The following TRIO variants were observed in gnomAD, a reference collection of about 807,000 sequenced individuals.
TRIO encodes triple functional domain protein.
A neutral mutation model predicts 351.9 loss-of-function variants in TRIO; 58 were observed. The observed-to-expected ratio is 0.16, with a 90% CI of 0.13 to 0.21. The LOEUF (loss-of-function observed/expected upper bound fraction) is 0.21, where lower values mean the gene tolerates loss of function less well. Ranked by LOEUF, TRIO falls within the 10% of genes least tolerant of loss-of-function variation. The pLI is 1.00. For missense variants in TRIO, 3,201 were observed against 4,027.8 expected (o/e 0.79, Z 5.56); for synonymous variants, 1,758 against 1,595.7 (o/e 1.10, Z -2.42).
In TRIO at chr5:14,304,582, C is replaced by G. The variant is rs763790629; in HGVS notation, c.1490C>G (p.Ala497Gly). 2.5e-6 allele frequency: 4 copies of G among 1,612,742 alleles called. No homozygotes were observed. The South Asian group carries it at 3.3e-5, about 13-fold the overall frequency. The change falls in exon 8 of 57, where the codon GCT becomes GGT. Residue 497 changes from alanine to glycine, a missense_variant. Physicochemically the swap from Ala to Gly is moderately conservative, Grantham distance 60. Coordinates refer to ENST00000344204, the MANE Select transcript of TRIO (RefSeq NM_007118.4). Reference sequence around the variant, plus strand: ...GGAATATATGAACATATCACTCTTGCTTATTCTGAGGTAAGTGGCCAGTTT... The same window carrying G: ...GGAATATATGAACATATCACTCTTGGTTATTCTGAGGTAAGTGGCCAGTTT... The part of the protein sequence containing the change: ...HQGIYEHITL[A>G]YSEVSQDGKS...
At chr5:14,209,150 T>TA (rs1295177426) in intron 1 of TRIO, among the ~76,000 whole-genome samples, 1 of 152,238 alleles carries the variant, frequency 6.6e-6, no homozygotes, top group East Asian at 1.9e-4. Flanking sequence ...GCCGATAACT[T>TA]ACAGGTCTCA....
chr5:14,228,391 A>C (rs1793182985), intron 1 of TRIO, among the ~76,000 whole-genome samples: 1 of 152,230 alleles, frequency 6.6e-6, no homozygotes, highest in Admixed American at 6.5e-5. Context: ...TACGTCATGC[A>C]TTTCAGAGTG....
In TRIO at chr5:14,471,307, A is replaced by G; in HGVS notation, c.5764-11A>G. ...GCAGTAAGTGTTGTTGATTATGTCAATTTCTTCCAGGCACTGGAGGATCGC... is the reference window on the plus strand; with the variant it reads ...GCAGTAAGTGTTGTTGATTATGTCAGTTTCTTCCAGGCACTGGAGGATCGC... On this transcript the variant is annotated splice_polypyrimidine_tract_variant and intron_variant, in intron 37 of 56. Coordinates refer to ENST00000344204, the MANE Select transcript of TRIO (RefSeq NM_007118.4). The G allele has an allele frequency of 2.5e-6, 4 of 1,612,956 alleles. No homozygotes were observed. The highest frequency in any genetic ancestry group is 2.2e-5 in the East Asian group (1 of 44,874).
At position 14,280,356 on chromosome 5, in the gene TRIO, G is replaced by C. The variant is rs773679230; in HGVS notation, c.267G>C (p.Thr89=). The C allele has an allele frequency of 5.6e-6, 9 of 1,614,064 alleles. No individual in the cohort carries two copies. The highest frequency in any genetic ancestry group is 7.6e-6 in the Non-Finnish European group (9 of 1,179,982). ...GRDKRGGPIL[T]FPARSNHDRI... ...ATAAACGTGGAGGTCCCATTTTAACGTTTCCGGCCCGCAGCAATCATGACA... is the reference window on the plus strand; with the variant it reads ...ATAAACGTGGAGGTCCCATTTTAACCTTTCCGGCCCGCAGCAATCATGACA... Residue 89 remains threonine (T), a synonymous_variant, in exon 3 of 57, where the codon ACG becomes ACC. Transcript: ENST00000344204.
At chr5:14,288,739 A>G (rs1488209252) in intron 4 of TRIO, among the ~76,000 whole-genome samples, 1 of 151,604 alleles carries the variant, frequency 6.6e-6, no homozygotes. Flanking sequence ...GTGCTGGATC[A>G]GGAGTCATCC....
At chr5:14,316,360 G>A (rs1739379517) in intron 8 of TRIO, among the ~76,000 whole-genome samples, 153 bp from the exon 9 acceptor site, 1 of 152,212 alleles carries the variant, frequency 6.6e-6, no homozygotes, top group Non-Finnish European at 1.5e-5. Flanking sequence ...GTAAAACTGT[G>A]GTGTGTGAAT....
At chr5:14,239,588 TTACA>T (rs1332508640) in intron 1 of TRIO, among the ~76,000 whole-genome samples, 1 of 152,150 alleles carries the variant, frequency 6.6e-6, no homozygotes. Context: ...CTGCCCCACT[TTACA>T]GGTAGGGATT....
At chr5:14,366,746 C>CT in intron 15 of TRIO, 114 bp from the exon 16 acceptor site, 1 of 1,493,510 alleles carries the variant, frequency 6.7e-7, no homozygotes, top group South Asian at 1.4e-5. Context: ...GCATCAGTGC[C>CT]TCGTACCTGC....
rs556048031 is a variant in TRIO, at chr5:14,507,093, A to G, written c.8613-29A>G. ...AGAGGTCTTCAAAGCAAATCGCATC[A>G]TAACAGTCACCCGCTCCTGCCTCTT... is the stretch of plus-strand genomic sequence containing the variant. On this transcript the variant is annotated intron_variant, in intron 55 of 56. Transcript: ENST00000344204. 4.5e-6 allele frequency: 7 copies of G among 1,555,720 alleles called. No individual in the cohort carries two copies. In the East Asian group the frequency reaches 9.2e-5, roughly 21 times the overall value.
At position 14,507,943 on chromosome 5, in the gene TRIO, G is replaced by T; in HGVS notation, c.8815G>T (p.Asp2939Tyr). 6.2e-7 allele frequency: 1 copy of T among 1,614,198 alleles called. No individual in the cohort carries two copies. Among genetic ancestry groups the T allele is most frequent in the Non-Finnish European group, 8.5e-7 (1 of 1,180,042 alleles). The change falls in exon 57 of 57, where the codon GAT (aspartate) becomes TAT (tyrosine). Residue 2939 changes from aspartate to tyrosine, a missense_variant. By Grantham distance (160) the Asp-to-Tyr change is radical (BLOSUM62 -3). This residue lies in a region of TRIO where 233 missense variants were observed against 292.6 expected (regional missense o/e 0.80). Transcript: ENST00000344204. Reference sequence around the variant, plus strand: ...AACCATCAAACTGGCTGACTTTGGAGATGCTGTTCAGCTCAACACGACCTA... The same window carrying T: ...AACCATCAAACTGGCTGACTTTGGATATGCTGTTCAGCTCAACACGACCTA... ...KPTIKLADFGDAVQLNTTYYI... is the reference protein window; with the variant it reads ...KPTIKLADFGYAVQLNTTYYI...
At chr5:14,344,261 T>C (rs187425449) in intron 11 of TRIO, among the ~76,000 whole-genome samples, 4 of 152,334 alleles carry the variant, frequency 2.6e-5, no homozygotes, top group Admixed American at 2.6e-4. Flanking sequence ...CCTGCTGGCG[T>C]AGCATTATGT....
At position 14,482,458 on chromosome 5, in the gene TRIO, C is replaced by A. The variant is rs145023478; in HGVS notation, c.6466-124C>A. ...GTAAAAGAAAAAAAAAATTAAACTC[C>A]ATAAATTAATAAAAGAAAAATACAT... On this transcript the variant is annotated intron_variant, in intron 45 of 56. Coordinates refer to ENST00000344204, the MANE Select transcript of TRIO (RefSeq NM_007118.4). 4.0e-4 allele frequency: 308 copies of A among 767,006 alleles called. 3 individuals carry two copies. In the East Asian group the frequency reaches 9.8e-3, roughly 24 times the overall value. The allele number at this position is 767,006 out of a possible 1,614,324, so 47.5% of individuals were successfully genotyped here.
chr5:14,474,366 C>T (rs752909457), intron 40 of TRIO, among the ~76,000 whole-genome samples: 1 of 152,172 alleles, frequency 6.6e-6, no homozygotes. Flanking sequence ...AGCCAGCTGC[C>T]GGAGCTGCTG....
chr5:14,225,524 G>C (rs989154950), intron 1 of TRIO, among the ~76,000 whole-genome samples: 2 of 152,034 alleles, frequency 1.3e-5, no homozygotes, highest in African/African-American at 2.4e-5. Context: ...GTGGTTGTAG[G>C]ACTGAGGTCC....
intron 47 of TRIO, among the ~76,000 whole-genome samples, chr5:14,486,812 C>T: frequency 6.6e-6 from 1 of 152,114 alleles, no homozygotes; most frequent in South Asian, 2.1e-4. Context: ...TTGTAGACTG[C>T]CTCTGGCTCC....
At chr5:14,308,131 A>T (rs1738536633) in intron 8 of TRIO, among the ~76,000 whole-genome samples, 2 of 152,070 alleles carry the variant, frequency 1.3e-5, no homozygotes, top group Admixed American at 1.3e-4. Context: ...AATTTTAAAG[A>T]CCTGGGTTCT....
Position 14,389,383 on chromosome 5 carries a change from A to G in TRIO, c.4043A>G (p.Tyr1348Cys). 2 of 1,610,434 alleles carry G rather than the reference A, an allele frequency of 1.2e-6. No homozygotes were observed. The highest frequency in any genetic ancestry group is 8.5e-7 in the Non-Finnish European group (1 of 1,178,610). ...ATCTTCGGAAACATGCAAGAAATCT[A>G]CGAATTTCATAATAAGTGAGTGGCT... Reference protein sequence around the residue: ...LIIFGNMQEIYEFHNNIFLKE... With the variant: ...LIIFGNMQEICEFHNNIFLKE... Residue 1348 changes from tyrosine to cysteine, a missense_variant, in exon 25 of 57, where the codon TAC (tyrosine) becomes TGC (cysteine). By Grantham distance (194) the Tyr-to-Cys change is radical. Around this residue, in one of 19 missense-constraint regions of TRIO, gnomAD observed 115 missense variants for 239.6 expected, o/e 0.48. Transcript: ENST00000344204.
chr5:14,377,998 C>G lies in TRIO; in HGVS notation c.3332-14C>G. 1 of 1,595,332 alleles carries G rather than the reference C, an allele frequency of 6.3e-7. No individual in the cohort carries two copies. Among genetic ancestry groups the G allele is most frequent in the Non-Finnish European group, 8.6e-7 (1 of 1,168,146 alleles). On this transcript the variant is annotated splice_polypyrimidine_tract_variant and intron_variant, in intron 19 of 56. Transcript: ENST00000344204. ...TGCAAGCACCAACATACATCATTTTCTTTTTTCTCTCAGATATCTTGAATG... is the reference window on the plus strand; with the variant it reads ...TGCAAGCACCAACATACATCATTTTGTTTTTTCTCTCAGATATCTTGAATG...
chr5:14,358,453 T>A, intron 12 of TRIO, 106 bp downstream of exon 12: 2 of 1,372,400 alleles, frequency 1.5e-6, no homozygotes, highest in Non-Finnish European at 2.0e-6. Context: ...TCTGTCCAGC[T>A]GAGTGCAGAG....
Sources: allele counts gnomAD v4.1 joint callset (sites outside exome capture counted in the v4.1 genomes callset), GRCh38; gene constraint gnomAD v4.1.1; regional missense constraint gnomAD v4.1.1; transcripts MANE v1.5; gene names NCBI Gene and HGNC (gene_info 2026-07-23, HGNC 2026-07-21).